The following ADAMTS3 variants were observed in gnomAD, a reference collection of about 807,000 sequenced individuals.
ADAMTS3 encodes the protein ADAM metallopeptidase with thrombospondin type 1 motif 3, also known as A disintegrin and metalloproteinase with thrombospondin motifs 3.
ADAMTS3 carries 73 observed loss-of-function variants against 129.0 expected under a neutral mutation model. The observed-to-expected ratio is 0.57, with a 90% CI of 0.47 to 0.69. ADAMTS3 has a LOEUF of 0.69. ADAMTS3 is among the 30% of genes least tolerant of loss of function. ADAMTS3 has a pLI of 0.00. For synonymous variants in ADAMTS3, 477 were observed against 510.8 expected (o/e 0.93, Z 0.89); for missense variants, 1,457 against 1,514.5 (o/e 0.96, Z 0.63).
chr4:72,427,943 A>AT (rs1404316023), intron 3 of ADAMTS3, among the ~76,000 whole-genome samples: 3 of 152,098 alleles, frequency 2.0e-5, no homozygotes, highest in Non-Finnish European at 2.9e-5. Context: ...AAAAGAGTGG[A>AT]TTTTTTCTTT....
At chr4:72,288,621 T>TTG in intron 21 of ADAMTS3, 130 bp downstream of exon 21, 2 of 659,736 alleles carry the variant, frequency 3.0e-6, no homozygotes, top group Admixed American at 5.1e-5. Flanking sequence ...GGACTAATAT[T>TTG]TCACAGGTGT....
At chr4:72,497,935 A>ATTTGT (rs1291444805) in intron 3 of ADAMTS3, among the ~76,000 whole-genome samples, 1 of 152,004 alleles carries the variant, frequency 6.6e-6, no homozygotes, top group Admixed American at 6.6e-5. Flanking sequence ...AGATAAAAAG[A>ATTTGT]TTTGTTTTTC....
In ADAMTS3 at chr4:72,548,273, G is replaced by A. The variant is rs187257344; in HGVS notation, c.504+205C>T. 2.2e-3 allele frequency among the ~76,000 whole-genome samples: 335 copies of A among 151,732 alleles called. 1 individual carries two copies. Among genetic ancestry groups the A allele is most frequent in the African/African-American group, 6.2e-3 (255 of 41,376 alleles). On this transcript the variant is annotated intron_variant, in intron 3 of 21. Coordinates refer to ENST00000286657, the MANE Select transcript of ADAMTS3 (RefSeq NM_014243.3). Reference sequence around the variant, plus strand: ...TGTTTCTTGGAATAATGTCGTCTTCGCATTATTCCAAGAAACAAAATTGTC... The same window carrying A: ...TGTTTCTTGGAATAATGTCGTCTTCACATTATTCCAAGAAACAAAATTGTC...
chr4:72,441,764 A>G (rs1342471093), intron 3 of ADAMTS3: 1 of 149,726 alleles, frequency 6.7e-6, no homozygotes, highest in African/African-American at 2.5e-5. Flanking sequence ...TGTTGTTGCT[A>G]CCAGCTTAAA....
At chr4:72,491,567 C>T (rs1398450630) in intron 3 of ADAMTS3, among the ~76,000 whole-genome samples, 1 of 151,618 alleles carries the variant, frequency 6.6e-6, no homozygotes, top group African/African-American at 2.4e-5. Context: ...TTATTTTTGT[C>T]TTTCACTCTG....
chr4:72,488,958 C>T (rs1340745927), intron 3 of ADAMTS3, among the ~76,000 whole-genome samples: 6 of 151,870 alleles, frequency 4.0e-5, no homozygotes, highest in African/African-American at 1.4e-4. Context: ...TGACCTCTAG[C>T]AATCTTCCTT....
At position 72,537,946 on chromosome 4, in the gene ADAMTS3, T is replaced by C. The variant is rs531344205; in HGVS notation, c.504+10532A>G. Among the ~76,000 whole-genome samples the C allele has an allele frequency of 2.6e-5, 4 of 152,136 alleles. No individual in the cohort carries two copies. In the East Asian group the frequency reaches 7.7e-4, roughly 29 times the overall value. Reference sequence around the variant, plus strand: ...ATGAAAATATCAAGAAAGACATAAATTCTAAAAAGAAACCAAAAAGAAAGT... The same window carrying C: ...ATGAAAATATCAAGAAAGACATAAACTCTAAAAAGAAACCAAAAAGAAAGT... On this transcript the variant is annotated intron_variant, in intron 3 of 21. Coordinates refer to ENST00000286657, the MANE Select transcript of ADAMTS3 (RefSeq NM_014243.3).
intron 3 of ADAMTS3, among the ~76,000 whole-genome samples, chr4:72,456,763 GCTCC>G (rs1342218227): frequency 6.6e-6 from 1 of 151,344 alleles, no homozygotes; most frequent in African/African-American, 2.4e-5. Flanking sequence ...AGAATGGTAG[GCTCC>G]TCTTTAATTG....
At chr4:72,555,622 T>C (rs1721743990) in intron 2 of ADAMTS3, among the ~76,000 whole-genome samples, 1 of 151,890 alleles carries the variant, frequency 6.6e-6, no homozygotes. Context: ...TGTTTCATCC[T>C]TTCAGAAACT....
chr4:72,559,806 T>C (rs1165213030), intron 2 of ADAMTS3, among the ~76,000 whole-genome samples: 1 of 151,766 alleles, frequency 6.6e-6, no homozygotes, highest in Non-Finnish European at 1.5e-5. Flanking sequence ...CCCATTAAAC[T>C]ACCATTGACA....
intron 3 of ADAMTS3, among the ~76,000 whole-genome samples, chr4:72,453,544 T>C (rs1407138873): frequency 6.6e-6 from 1 of 151,736 alleles, no homozygotes; most frequent in East Asian, 2.0e-4. Flanking sequence ...ACATGGTTAG[T>C]ATGTGGTGGA....
chr4:72,344,147 T>C (rs949551324), intron 4 of ADAMTS3, among the ~76,000 whole-genome samples: 3 of 152,126 alleles, frequency 2.0e-5, no homozygotes, highest in Non-Finnish European at 2.9e-5. Context: ...TAGTGTTAAG[T>C]ATAAGATTAT....
chr4:72,550,212 TA>T (rs1031008736), intron 2 of ADAMTS3, among the ~76,000 whole-genome samples: 5 of 151,904 alleles, frequency 3.3e-5, no homozygotes, highest in African/African-American at 1.2e-4. Flanking sequence ...TAAAGTGCCC[TA>T]AAAAATGGTA....
At chr4:72,339,929 G>A (rs774680140) in intron 4 of ADAMTS3, among the ~76,000 whole-genome samples, 4 of 152,078 alleles carry the variant, frequency 2.6e-5, no homozygotes, top group Admixed American at 6.6e-5. Flanking sequence ...TACAGGGAGC[G>A]GTGCCATCAT....
In ADAMTS3 at chr4:72,433,372, C is replaced by G. The variant is rs985335919; in HGVS notation, c.505-18401G>C. 1.3e-4 allele frequency among the ~76,000 whole-genome samples: 19 copies of G among 151,814 alleles called. 1 individual carries two copies. Among genetic ancestry groups the G allele is most frequent in the Admixed American group, 1.1e-3 (16 of 15,208 alleles). On this transcript the variant is annotated intron_variant, in intron 3 of 21. Transcript: ENST00000286657. ...CTTCTCATATTCTTGTTCTGAGATGCATTATCAAATATGTAACATTCTAAA... is the reference window on the plus strand; with the variant it reads ...CTTCTCATATTCTTGTTCTGAGATGGATTATCAAATATGTAACATTCTAAA...
chr4:72,404,016 A>C (rs1721990321), intron 4 of ADAMTS3, among the ~76,000 whole-genome samples: 3 of 152,210 alleles, frequency 2.0e-5, no homozygotes, highest in South Asian at 4.1e-4. Context: ...AATAAAAAAG[A>C]AACAAATAAA....
At chr4:72,463,095 T>G (rs368828217) in intron 3 of ADAMTS3, among the ~76,000 whole-genome samples, 1 of 152,008 alleles carries the variant, frequency 6.6e-6, no homozygotes, top group African/African-American at 2.4e-5. Context: ...TATGCTATCT[T>G]TTCTATGTTT....
chr4:72,492,383 T>G (rs1286891619), intron 3 of ADAMTS3, among the ~76,000 whole-genome samples: 1 of 151,550 alleles, frequency 6.6e-6, no homozygotes, highest in African/African-American at 2.4e-5. Context: ...CCTACAAAGA[T>G]TCCTCTTATT....
intron 5 of ADAMTS3, among the ~76,000 whole-genome samples, chr4:72,335,590 T>C (rs1029681230): frequency 2.6e-5 from 4 of 152,194 alleles, no homozygotes; most frequent in African/African-American, 4.8e-5. Flanking sequence ...CTTTTTTTAA[T>C]GATTAGCTTT....
Sources: gnomAD v4.1 joint callset for allele counts (sites outside exome capture counted in the v4.1 genomes callset) on GRCh38, gnomAD v4.1.1 for gene constraint, MANE v1.5 for transcripts, NCBI Gene and HGNC (gene_info 2026-07-23, HGNC 2026-07-21) for gene names.